STEEP1: variants seen among roughly 807,000 people sequenced by gnomAD.
The protein encoded by STEEP1 is STING1 ER exit protein 1, also known as STING ER exit protein.
A neutral mutation model predicts 19.2 loss-of-function variants in STEEP1; 3 were observed. That is an observed-to-expected ratio of 0.16 (90% CI 0.07 to 0.40). The LOEUF is 0.40. Among genes scored for constraint, STEEP1 ranks in the 10% least tolerant of loss-of-function variants. The pLI, the probability that STEEP1 is intolerant of heterozygous loss-of-function variation, is 0.99. For missense variants in STEEP1, 54 were observed against 177.1 expected, an observed-to-expected ratio of 0.30 and a Z score of 3.94; for synonymous variants, 46 against 63.7, an observed-to-expected ratio of 0.72 and a Z score of 1.32.
rs935025258 is a variant in STEEP1 at position 119,561,392 on chromosome X, C to G, written c.125-1007G>C. 3.6e-5 allele frequency among the ~76,000 whole-genome samples: 4 copies of G among 110,837 alleles called. No individual in the cohort carries two copies. In the East Asian group the frequency reaches 1.1e-3, roughly 31 times the overall value. On this transcript the variant is annotated intron_variant, in intron 1 of 6. Transcript: ENST00000644802. ...GAAAATTGATATAATGGGCCAGGTG[C>G]GGTGGCTCACGCTTGTAATCCAGCA... is the stretch of plus-strand genomic sequence containing the variant.
intron 1 of STEEP1, among the ~76,000 whole-genome samples, chrX:119,562,962 T>TG (rs896059948): frequency 9.0e-6 from 1 of 110,679 alleles, no homozygotes; most frequent in Non-Finnish European, 1.9e-5. Context: ...AAAAAGGCAC[T>TG]GGGGGGCAGG....
intron 2 of STEEP1, among the ~76,000 whole-genome samples, chrX:119,559,335 C>T (rs1261403406): frequency 9.0e-6 from 1 of 111,543 alleles, no homozygotes; most frequent in Non-Finnish European, 1.9e-5. Context: ...GTAAAGTAAC[C>T]TGTGCTCCAG....
Position 119,560,403 on chromosome X carries a change from T to C in STEEP1, c.125-18A>G. The C allele has an allele frequency of 8.9e-7, 1 of 1,120,475 alleles. No individual in the cohort carries two copies. Among genetic ancestry groups the C allele is most frequent in the Non-Finnish European group, 1.2e-6 (1 of 813,079 alleles). The allele number at this position is 1,120,475 out of a possible 1,213,427, so 92.3% of individuals were successfully genotyped here. A position where few individuals can be genotyped will look rare whatever the true frequency, so the allele number is the denominator to read the frequency against. On this transcript the variant is annotated intron_variant, in intron 1 of 6. Coordinates refer to ENST00000644802, the MANE Select transcript of STEEP1 (RefSeq NM_022101.4). ...CTGGCAGTCTGAAGGAATGGAGAGATTTGGTCACTAGAGTCATGGCAAAAT... is the reference window on the plus strand; with the variant it reads ...CTGGCAGTCTGAAGGAATGGAGAGACTTGGTCACTAGAGTCATGGCAAAAT...
intron 6 of STEEP1, among the ~76,000 whole-genome samples, chrX:119,540,694 A>C (rs2053156631): frequency 8.9e-6 from 1 of 112,413 alleles, no homozygotes; most frequent in Non-Finnish European, 1.9e-5. Context: ...ACATCCTGGG[A>C]CAACGTCCAG....
intron 5 of STEEP1, among the ~76,000 whole-genome samples, chrX:119,541,944 G>GA (rs1463761575): frequency 6.3e-5 from 7 of 110,438 alleles, no homozygotes; most frequent in East Asian, 2.8e-4. Flanking sequence ...TAGCATGGAG[G>GA]AAAAAATCAC....
chrX:119,547,159 G>T (rs2053211709), intron 2 of STEEP1, among the ~76,000 whole-genome samples: 1 of 110,577 alleles, frequency 9.0e-6, no homozygotes, highest in Non-Finnish European at 1.9e-5. Context: ...CTCTACTTTT[G>T]TTCACTTAAA....
chrX:119,539,598 G>T lies in STEEP1; in HGVS notation c.*129C>A. On this transcript the variant is annotated 3_prime_UTR_variant, in exon 7 of 7. Transcript: ENST00000644802. ...GTTAAAGACCTCACTGAATGTAGGA[G>T]AATCAATGGGAAACAACGTAAAGCC... 2.1e-6 allele frequency: 1 copy of T among 469,261 alleles called. No individual in the cohort carries two copies. The highest frequency in any genetic ancestry group is 3.7e-6 in the Non-Finnish European group (1 of 271,601). 38.7% of individuals were successfully genotyped at this position (469,261 alleles called of 1,213,427 possible).
At chrX:119,560,157 A>G in intron 2 of STEEP1, 111 bp downstream of exon 2, 1 of 525,833 alleles carries the variant, frequency 1.9e-6, no homozygotes, top group Non-Finnish European at 3.3e-6. Context: ...CACAAATGTC[A>G]AAGTATTGGG....
At chrX:119,553,217 A>C (rs941020036) in intron 2 of STEEP1, among the ~76,000 whole-genome samples, 3 of 62,366 alleles carry the variant, frequency 4.8e-5, no homozygotes, top group Non-Finnish European at 7.1e-5. Flanking sequence ...CATTCGCATT[A>C]AAACAAACAA....
At chrX:119,542,981 T>C (rs965082486) in intron 4 of STEEP1, among the ~76,000 whole-genome samples, 1 of 73,753 alleles carries the variant, frequency 1.4e-5, no homozygotes, top group African/African-American at 5.7e-5. Flanking sequence ...TACATTTTTG[T>C]AGAGACTGGG....
chrX:119,553,161 AAAAAAGT>A lies in STEEP1; in HGVS notation c.242+7100_242+7106del, dbSNP rs905704558. ...AGAGTGAGACTGTCTCAAAAAAAAA[AAAAAAGT>A]GGAAAACAGAAACGAAATCTCTGAG... On this transcript the variant is annotated intron_variant, in intron 2 of 6. Coordinates refer to ENST00000644802, the MANE Select transcript of STEEP1 (RefSeq NM_022101.4). 4.2e-4 allele frequency among the ~76,000 whole-genome samples: 45 copies of A among 108,050 alleles called. 1 individual carries two copies. The South Asian group carries it at 0.018, about 42-fold the overall frequency. The allele number at this position is 108,050 out of a possible 115,157, so 93.8% of individuals were successfully genotyped here.
intron 4 of STEEP1, among the ~76,000 whole-genome samples, chrX:119,542,997 CAAAAAAAAAAAAAAAA>C (rs60574433): frequency 2.1e-5 from 1 of 47,929 alleles, no homozygotes; most frequent in Admixed American, 2.8e-4. Flanking sequence ...CTGGGTCTCG[CAAAAAAAAAAAAAAAA>C]AAAAAAAAAA....
At chrX:119,539,976 A>G (rs916815585) in intron 6 of STEEP1, among the ~76,000 whole-genome samples, 187 bp from the exon 7 acceptor site, 36 of 111,793 alleles carry the variant, frequency 3.2e-4, no homozygotes, top group Non-Finnish European at 6.6e-4. Context: ...CACATACACA[A>G]AAAATGCTAT....
At chrX:119,544,732 G>A (rs1269886201) in intron 3 of STEEP1, among the ~76,000 whole-genome samples, 1 of 111,729 alleles carries the variant, frequency 9.0e-6, no homozygotes, top group East Asian at 2.8e-4. Flanking sequence ...CCTGAGATCA[G>A]GAGTTCAAGA....
At chrX:119,554,088 C>T (rs1289753418) in intron 2 of STEEP1, among the ~76,000 whole-genome samples, 1 of 112,141 alleles carries the variant, frequency 8.9e-6, no homozygotes, top group South Asian at 3.7e-4. Flanking sequence ...CCTTGATTTT[C>T]TTTCCTATCC....
At chrX:119,560,529 T>C in intron 1 of STEEP1, 144 bp from the exon 2 acceptor site, 5 of 453,904 alleles carry the variant, frequency 1.1e-5, no homozygotes, top group Non-Finnish European at 1.5e-5. Context: ...AAACCTATTA[T>C]TGAATGTTCC....
intron 2 of STEEP1, among the ~76,000 whole-genome samples, chrX:119,553,723 C>G (rs2053259756): frequency 8.9e-6 from 1 of 111,771 alleles, no homozygotes; most frequent in South Asian, 3.7e-4. Context: ...ATTCACCATA[C>G]AGAGAATGAA....
chrX:119,558,056 G>A (rs751191030), intron 2 of STEEP1, among the ~76,000 whole-genome samples: 9 of 110,016 alleles, frequency 8.2e-5, no homozygotes, highest in African/African-American at 9.9e-5. Flanking sequence ...ACAGGCACAC[G>A]CGCCACCATG....
At chrX:119,541,927 C>A (rs763370238) in intron 5 of STEEP1, among the ~76,000 whole-genome samples, 2 of 111,499 alleles carry the variant, frequency 1.8e-5, no homozygotes, top group Non-Finnish European at 3.8e-5. Flanking sequence ...TAAGGCATCT[C>A]TAAAAATAGC....
Sources: allele counts gnomAD v4.1 joint callset (sites outside exome capture counted in the v4.1 genomes callset), GRCh38; gene constraint gnomAD v4.1.1; transcripts MANE v1.5; gene names NCBI Gene and HGNC (gene_info 2026-07-23, HGNC 2026-07-21).